Variants in MTHFD1L observed in about 807,000 individuals in gnomAD.
MTHFD1L encodes monofunctional C1-tetrahydrofolate synthase, mitochondrial.
A neutral mutation model predicts 119.5 loss-of-function variants in MTHFD1L; 81 were observed. The observed-to-expected ratio is 0.68, with a 90% confidence interval of 0.57 to 0.82. The LOEUF (loss-of-function observed/expected upper bound fraction) is 0.82. MTHFD1L is among the 40% of genes least tolerant of loss of function. The pLI, the probability that MTHFD1L is intolerant of heterozygous loss-of-function variation, is 0.00. For synonymous variants in MTHFD1L, 430 were observed against 475.2 expected (o/e 0.90, Z 1.24); for missense variants, 1,125 against 1,253.4 (o/e 0.90, Z 1.55).
intron 20 of MTHFD1L, among the ~76,000 whole-genome samples, chr6:150,982,328 G>A (rs368058022): frequency 9.2e-5 from 14 of 151,792 alleles, no homozygotes; most frequent in African/African-American, 3.4e-4. Context: ...TGATATTTTT[G>A]TGCAACATAA....
chr6:150,918,850 C>T (rs1240819260), intron 9 of MTHFD1L, among the ~76,000 whole-genome samples, 182 bp downstream of exon 9: 1 of 152,156 alleles, frequency 6.6e-6, no homozygotes, highest in Non-Finnish European at 1.5e-5. Flanking sequence ...CCTATGATCA[C>T]ATGGCAGTGT....
At chr6:150,981,907 A>C (rs1301969155) in intron 20 of MTHFD1L, among the ~76,000 whole-genome samples, 1 of 152,142 alleles carries the variant, frequency 6.6e-6, no homozygotes, top group African/African-American at 2.4e-5. Context: ...GCAACATAGC[A>C]AGATCCCATC....
chr6:150,952,049 C>G (rs1017201242), intron 16 of MTHFD1L, among the ~76,000 whole-genome samples: 2 of 152,124 alleles, frequency 1.3e-5, no homozygotes, highest in African/African-American at 4.8e-5. Context: ...ATCTTTTATA[C>G]CTGGGTCTGG....
chr6:150,925,302 T>C (rs995332237), intron 10 of MTHFD1L, among the ~76,000 whole-genome samples: 5 of 152,164 alleles, frequency 3.3e-5, no homozygotes, highest in African/African-American at 4.8e-5. Context: ...CAGGTGTGCC[T>C]TCCATCTCTC....
intron 26 of MTHFD1L, among the ~76,000 whole-genome samples, chr6:151,083,914 G>C (rs939394427): frequency 6.6e-6 from 1 of 152,180 alleles, no homozygotes; most frequent in Admixed American, 6.5e-5. Flanking sequence ...TGGGGATAAT[G>C]TAAATAACAA....
At chr6:151,061,177 T>C (rs1462146117) in intron 26 of MTHFD1L, among the ~76,000 whole-genome samples, 1 of 152,108 alleles carries the variant, frequency 6.6e-6, no homozygotes, top group Non-Finnish European at 1.5e-5. Flanking sequence ...CCTAAGACCA[T>C]GATTTATTAC....
chr6:150,891,111 G>A (rs182703379), intron 7 of MTHFD1L, among the ~76,000 whole-genome samples: 2,557 of 152,194 alleles, frequency 0.017, 56 homozygotes, highest in African/African-American at 0.058. Flanking sequence ...TCAGCCTCCT[G>A]AGTAGCTGGG....
rs113741664 is a variant in MTHFD1L at position 151,041,956 on chromosome 6, A to G, written c.2847+4839A>G. On this transcript the variant is annotated intron_variant, in intron 26 of 27. Transcript: ENST00000367321. ...TTACTTTTACTTTCCATGTTCACTT[A>G]TAGGCCAGGGTTTTTTTTTCCTACC... The G allele has an allele frequency of 1.6e-5, 6 of 382,050 alleles. No individual in the cohort carries two copies. In the East Asian group the frequency reaches 4.4e-4, roughly 28 times the overall value. 23.7% of individuals were successfully genotyped at this position (382,050 alleles called of 1,614,324 possible).
At chr6:150,934,701 G>A (rs1479731305) in intron 11 of MTHFD1L, among the ~76,000 whole-genome samples, 1 of 152,196 alleles carries the variant, frequency 6.6e-6, no homozygotes, top group Admixed American at 6.5e-5. Context: ...TTGTGGTTGA[G>A]TATCCTTGAC....
chr6:151,083,708 A>G (rs1793452698), intron 26 of MTHFD1L, among the ~76,000 whole-genome samples: 1 of 152,160 alleles, frequency 6.6e-6, no homozygotes, highest in Non-Finnish European at 1.5e-5. Flanking sequence ...ATTTTTGACT[A>G]AATATGTTAC....
At chr6:151,038,609 T>C (rs1786574174) in intron 26 of MTHFD1L, among the ~76,000 whole-genome samples, 1 of 152,156 alleles carries the variant, frequency 6.6e-6, no homozygotes, top group African/African-American at 2.4e-5. Context: ...GAGAAGAATG[T>C]GGTCTGATGT....
chr6:151,064,789 G>GGT (rs1554296826), intron 26 of MTHFD1L, among the ~76,000 whole-genome samples: 2 of 147,796 alleles, frequency 1.4e-5, no homozygotes, highest in Non-Finnish European at 3.0e-5. Flanking sequence ...TTCTTTTTTT[G>GGT]TTTTTTTTTT....
chr6:150,914,946 G>A (rs1787600949), intron 8 of MTHFD1L, among the ~76,000 whole-genome samples: 1 of 152,108 alleles, frequency 6.6e-6, no homozygotes, highest in South Asian at 2.1e-4. Flanking sequence ...GTCATTCATG[G>A]TACCCTTTTA....
intron 11 of MTHFD1L, among the ~76,000 whole-genome samples, chr6:150,931,268 CTTTTTTTTTT>C (rs370763551): frequency 8.1e-6 from 1 of 123,716 alleles, no homozygotes. Context: ...ATCATTTCAT[CTTTTTTTTTT>C]TTTTTTTTTT....
chr6:151,092,681 T>G, intron 27 of MTHFD1L, 94 bp downstream of exon 27: 1 of 697,266 alleles, frequency 1.4e-6, no homozygotes, highest in South Asian at 1.9e-5. Context: ...ACAGAAGTGA[T>G]CTGATAAATC....
intron 26 of MTHFD1L, among the ~76,000 whole-genome samples, chr6:151,089,255 T>C (rs1234400130): frequency 6.6e-6 from 1 of 152,240 alleles, no homozygotes; most frequent in African/African-American, 2.4e-5. Context: ...AACTATAAAA[T>C]GCTTGTTCTT....
rs1217184265 is a variant in MTHFD1L, at chr6:151,009,962, A to G, written c.2265+4A>G. 4 of 1,597,284 alleles carry G rather than the reference A, an allele frequency of 2.5e-6. No homozygotes were observed. The highest frequency in any genetic ancestry group is 1.7e-4 in the Middle Eastern group (1 of 5,822). On this transcript the variant is annotated splice_donor_region_variant and intron_variant, in intron 21 of 27. Transcript: ENST00000367321. Reference sequence around the variant, plus strand: ...GATGCATGGAGGCGGGCCAAGTGTAAGTGCCCACACCGCCTTCCTAATACC... The same window carrying G: ...GATGCATGGAGGCGGGCCAAGTGTAGGTGCCCACACCGCCTTCCTAATACC...
intron 27 of MTHFD1L, among the ~76,000 whole-genome samples, chr6:151,100,815 G>A (rs1310951348): frequency 2.0e-5 from 3 of 151,920 alleles, no homozygotes; most frequent in Admixed American, 6.6e-5. Flanking sequence ...TGCTTTCTGT[G>A]CCTACTCTAT....
chr6:151,027,867 G>C (rs556883745), intron 24 of MTHFD1L, among the ~76,000 whole-genome samples: 5 of 152,286 alleles, frequency 3.3e-5, no homozygotes, highest in African/African-American at 1.2e-4. Flanking sequence ...ATGGGCTTTT[G>C]AGCTGTGAGT....
Sources: gnomAD v4.1 joint callset for allele counts (sites outside exome capture counted in the v4.1 genomes callset) on GRCh38, gnomAD v4.1.1 for gene constraint, MANE v1.5 for transcripts, NCBI Gene and HGNC (gene_info 2026-07-23, HGNC 2026-07-21) for gene names.